CNNM2: variants seen among roughly 807,000 people sequenced by gnomAD.
The protein encoded by CNNM2 is cyclin and CBS domain divalent metal cation transport mediator 2.
Under a neutral mutation model 66.9 loss-of-function variants are expected in CNNM2, and 12 were observed. The observed-to-expected ratio is 0.18, with a 90% CI of 0.11 to 0.29. The LOEUF (loss-of-function observed/expected upper bound fraction) is 0.29, where lower values mean the gene tolerates loss of function less well. Among genes scored for constraint, CNNM2 ranks in the 10% least tolerant of loss-of-function variants. CNNM2 has a pLI of 1.00. For synonymous variants in CNNM2, 557 were observed against 501.8 expected (o/e 1.11, Z -1.47); for missense variants, 705 against 1,167.7 (o/e 0.60, Z 5.77).
intron 1 of CNNM2, among the ~76,000 whole-genome samples, chr10:103,010,146 ACATTT>A (rs2064312799): frequency 1.3e-5 from 2 of 152,314 alleles, no homozygotes; most frequent in African/African-American, 4.8e-5. Flanking sequence ...ACAATTTAAA[ACATTT>A]CAATAACGTA....
intron 1 of CNNM2, among the ~76,000 whole-genome samples, chr10:102,957,999 C>T (rs536710634): frequency 1.1e-4 from 16 of 152,078 alleles, no homozygotes; most frequent in Middle Eastern, 3.4e-3. Flanking sequence ...TGCAGTGGCA[C>T]GATCTTGGCT....
chr10:103,036,147 A>ACT (rs1590435027), intron 1 of CNNM2, among the ~76,000 whole-genome samples: 1 of 151,640 alleles, frequency 6.6e-6, no homozygotes, highest in Non-Finnish European at 1.5e-5. Flanking sequence ...ACACACACAC[A>ACT]CTCTTTCATC....
chr10:103,025,185 T>G (rs1225584895), intron 1 of CNNM2, among the ~76,000 whole-genome samples: 1 of 151,974 alleles, frequency 6.6e-6, no homozygotes, highest in Non-Finnish European at 1.5e-5. Flanking sequence ...TCCAACTCCC[T>G]GGTTCAAGCG....
At chr10:103,059,364 C>A (rs971381925) in intron 4 of CNNM2, among the ~76,000 whole-genome samples, 6 of 152,054 alleles carry the variant, frequency 3.9e-5, no homozygotes, top group Non-Finnish European at 7.4e-5. Flanking sequence ...GCTCTCCCTG[C>A]AGGAAAAAAC....
rs546960944 is a variant in CNNM2, at chr10:102,980,194, C to G, written c.1621+60093C>G. ...CTGACCTCAAGTGATCTGCCCACCT[C>G]GGCCTCCCAGAGTGCTGGGATTACA... On this transcript the variant is annotated intron_variant, in intron 1 of 7. Transcript: ENST00000369878. 8.2e-4 allele frequency among the ~76,000 whole-genome samples: 124 copies of G among 152,086 alleles called. 1 individual carries two copies. Among genetic ancestry groups the G allele is most frequent in the Admixed American group, 1.3e-3 (20 of 15,270 alleles).
intron 1 of CNNM2, among the ~76,000 whole-genome samples, chr10:102,962,371 A>G (rs2063395844): frequency 6.6e-6 from 1 of 152,204 alleles, no homozygotes. Flanking sequence ...TTCAGCATTG[A>G]CCTGGGTATG....
In CNNM2 at chr10:103,065,897, G is replaced by A. The variant is rs12357363; in HGVS notation, c.2074-2732G>A. Among the ~76,000 whole-genome samples the A allele has an allele frequency of 6.9e-3, 1,052 of 152,226 alleles. 3 individuals carry two copies. The highest frequency in any genetic ancestry group is 0.012 in the Non-Finnish European group (786 of 68,016). ...CTTGTTCCTCCCCTCCTCTTTGAAG[G>A]GACCCTACTTCAGGGACTTCCCCAG... On this transcript the variant is annotated intron_variant, in intron 4 of 7. Transcript: ENST00000369878.
chr10:102,962,690 C>CTGTGTG (rs10580172), intron 1 of CNNM2, among the ~76,000 whole-genome samples: 6,216 of 143,792 alleles, frequency 0.043, 148 homozygotes, highest in Admixed American at 0.062. Context: ...ATATGATATA[C>CTGTGTG]TGTGTGTGTG....
At chr10:103,071,950 TC>T in intron 6 of CNNM2, 111 bp downstream of exon 6, 1 of 928,108 alleles carries the variant, frequency 1.1e-6, no homozygotes, top group Non-Finnish European at 1.8e-6. Flanking sequence ...TTTTCAGTGT[TC>T]CTTGGAGCGC....
chr10:102,984,443 C>T (rs1364326459), intron 1 of CNNM2, among the ~76,000 whole-genome samples: 1 of 151,122 alleles, frequency 6.6e-6, no homozygotes, highest in East Asian at 1.9e-4. Context: ...GAAATAATTT[C>T]TTAGTCCCAG....
chr10:103,009,429 C>T (rs936361673), intron 1 of CNNM2, among the ~76,000 whole-genome samples: 8 of 152,098 alleles, frequency 5.3e-5, no homozygotes, highest in African/African-American at 1.4e-4. Flanking sequence ...TGATGGCTGA[C>T]GCCTTTAGTC....
chr10:102,999,512 A>T (rs1486580588), intron 1 of CNNM2, among the ~76,000 whole-genome samples: 1 of 152,186 alleles, frequency 6.6e-6, no homozygotes, highest in African/African-American at 2.4e-5. Flanking sequence ...CTAAAACATT[A>T]AAAGAAATTA....
At chr10:102,977,126 C>T (rs77167883) in intron 1 of CNNM2, among the ~76,000 whole-genome samples, 2 of 152,238 alleles carry the variant, frequency 1.3e-5, no homozygotes, top group Middle Eastern at 3.4e-3. Flanking sequence ...GAGCTATTCC[C>T]ATCTGACTGC....
Position 102,919,053 on chromosome 10 carries a change from G to C in CNNM2, c.573G>C (p.Leu191=). The C allele has an allele frequency of 6.2e-7, 1 of 1,612,436 alleles. No individual in the cohort carries two copies. The highest frequency in any genetic ancestry group is 8.5e-7 in the Non-Finnish European group (1 of 1,179,452). ...RKMEKSKSYY[L]CTSLSTPALG... ...TGGAGAAGAGCAAGTCCTATTACCT[G>C]TGCACGTCGCTCTCCACGCCCGCCC... Residue 191 remains leucine (L), a synonymous_variant, in exon 1 of 8, where the codon CTG becomes CTC. Coordinates refer to ENST00000369878, the MANE Select transcript of CNNM2 (RefSeq NM_017649.5).
At chr10:102,941,096 G>C (rs972980938) in intron 1 of CNNM2, among the ~76,000 whole-genome samples, 13 of 152,070 alleles carry the variant, frequency 8.5e-5, no homozygotes, top group Non-Finnish European at 1.3e-4. Flanking sequence ...ATTAATGCAT[G>C]AATCAGTCTA....
At chr10:103,002,639 C>T (rs1188447195) in intron 1 of CNNM2, among the ~76,000 whole-genome samples, 1 of 152,006 alleles carries the variant, frequency 6.6e-6, no homozygotes, top group South Asian at 2.1e-4. Flanking sequence ...GCCACCACAC[C>T]CGGCTAATTT....
intron 1 of CNNM2, among the ~76,000 whole-genome samples, chr10:102,939,374 A>G (rs370981587): frequency 9.2e-5 from 14 of 152,274 alleles, no homozygotes; most frequent in African/African-American, 3.1e-4. Context: ...TTAATCCTCT[A>G]CAATCTTGTT....
In CNNM2 at chr10:103,077,243, G is replaced by C. The variant is rs1034664156; in HGVS notation, c.*63G>C. 3.4e-5 allele frequency: 49 copies of C among 1,448,816 alleles called. No individual in the cohort carries two copies. In the Middle Eastern group the frequency reaches 1.2e-3, roughly 36 times the overall value. The allele number at this position is 1,448,816 out of a possible 1,614,324, so 89.7% of individuals were successfully genotyped here. A position where few individuals can be genotyped will look rare whatever the true frequency, so the allele number is the denominator to read the frequency against. ...CAGTCCCGAGGGCCCGGCCCTGTCT[G>C]CCCATGACTTCACTGGTGTGAGCTT... On this transcript the variant is annotated 3_prime_UTR_variant, in exon 8 of 8. Transcript: ENST00000369878.
chr10:103,039,933 A>T (rs905493446), intron 1 of CNNM2, among the ~76,000 whole-genome samples: 1 of 152,148 alleles, frequency 6.6e-6, no homozygotes, highest in African/African-American at 2.4e-5. Context: ...CTGGGAGGCC[A>T]AGAAGGGTGG....
Sources: gnomAD v4.1 joint callset for allele counts (sites outside exome capture counted in the v4.1 genomes callset) on GRCh38, gnomAD v4.1.1 for gene constraint, MANE v1.5 for transcripts, NCBI Gene and HGNC (gene_info 2026-07-23, HGNC 2026-07-21) for gene names.